Variants in ELMO1 observed in about 807,000 individuals in gnomAD.
The protein encoded by ELMO1 is engulfment and cell motility protein 1.
A neutral mutation model predicts 98.9 loss-of-function variants in ELMO1; 26 were observed. That is an observed-to-expected ratio of 0.26 (90% confidence interval 0.19 to 0.36). The LOEUF is 0.36. ELMO1 is among the 10% of genes least tolerant of loss of function. The probability of loss-of-function intolerance (pLI) is 1.00; values close to 1 mark genes in which losing one functional copy is unlikely to be tolerated. For missense variants in ELMO1, 627 were observed against 935.2 expected (o/e 0.67, Z 4.30); for synonymous variants, 346 against 346.0 (o/e 1.00, Z 0.00).
intron 13 of ELMO1, among the ~76,000 whole-genome samples, chr7:37,135,464 A>G (rs894302161): frequency 6.6e-6 from 1 of 152,200 alleles, no homozygotes; most frequent in Non-Finnish European, 1.5e-5. Flanking sequence ...AAGGACCCGC[A>G]CAGAGTCCAC....
At chr7:37,346,544 C>T (rs985752787) in intron 1 of ELMO1, among the ~76,000 whole-genome samples, 5 of 152,198 alleles carry the variant, frequency 3.3e-5, no homozygotes, top group Non-Finnish European at 5.9e-5. Context: ...TCTGTATGCT[C>T]TTTGAATACT....
At chr7:36,878,877 G>A (rs741302) in intron 18 of ELMO1, among the ~76,000 whole-genome samples, 24,289 of 152,160 alleles carry the variant, frequency 0.16, 2,078 homozygotes, top group South Asian at 0.23. Context: ...GGAAGAAAGA[G>A]GCAAAGAGCA....
chr7:37,406,626 C>T (rs911264837), intron 1 of ELMO1, among the ~76,000 whole-genome samples: 15 of 151,456 alleles, frequency 9.9e-5, no homozygotes, highest in African/African-American at 1.7e-4. Context: ...TTAGTAGAGA[C>T]GGGGGAGGGG....
chr7:37,416,855 G>GT, intron 1 of ELMO1, among the ~76,000 whole-genome samples: 2 of 152,328 alleles, frequency 1.3e-5, no homozygotes, highest in East Asian at 3.9e-4. Flanking sequence ...TTGTGTGCAG[G>GT]TGAGTCAGAA....
intron 4 of ELMO1, among the ~76,000 whole-genome samples, chr7:37,279,231 A>G (rs971955398): frequency 6.6e-6 from 1 of 151,788 alleles, no homozygotes; most frequent in African/African-American, 2.4e-5. Context: ...AAACAAACAA[A>G]AAGTGTGTGA....
At chr7:37,390,287 C>G (rs1803012290) in intron 1 of ELMO1, among the ~76,000 whole-genome samples, 1 of 152,204 alleles carries the variant, frequency 6.6e-6, no homozygotes, top group Non-Finnish European at 1.5e-5. Flanking sequence ...AGGCTTGCGC[C>G]ACTTGCATGG....
At chr7:37,135,435 A>T (rs1042119861) in intron 13 of ELMO1, among the ~76,000 whole-genome samples, 1 of 152,170 alleles carries the variant, frequency 6.6e-6, no homozygotes, top group Non-Finnish European at 1.5e-5. Flanking sequence ...CAACCAGCAC[A>T]CTAAACAAAA....
intron 2 of ELMO1, among the ~76,000 whole-genome samples, chr7:37,331,175 C>T (rs959028929): frequency 1.2e-4 from 17 of 144,602 alleles, no homozygotes; most frequent in Non-Finnish European, 2.1e-4. Flanking sequence ...CTGCATTTTT[C>T]TTTTTTTTTT....
At chr7:36,959,072 TAA>T (rs1395002948) in intron 16 of ELMO1, among the ~76,000 whole-genome samples, 1 of 152,130 alleles carries the variant, frequency 6.6e-6, no homozygotes, top group African/African-American at 2.4e-5. Context: ...CATCAAAACC[TAA>T]AGTCATACTT....
At chr7:37,091,673 A>T (rs1784101492) in intron 15 of ELMO1, among the ~76,000 whole-genome samples, 1 of 152,116 alleles carries the variant, frequency 6.6e-6, no homozygotes, top group Admixed American at 6.5e-5. Flanking sequence ...TTCTTGAAAT[A>T]GTCTGTTTTC....
At position 37,083,479 on chromosome 7, in the gene ELMO1, A is replaced by AT. The variant is rs552098077; in HGVS notation, c.1300+13139dup. ...GCAAGTCATTCTCCTTACTCACTCT[A>AT]TAAAAAAAAACATGGAAATATGTAA... On this transcript the variant is annotated intron_variant, in intron 15 of 21. Transcript: ENST00000310758. Among the ~76,000 whole-genome samples, 131 of 152,226 alleles carry AT rather than the reference A, an allele frequency of 8.6e-4. 1 individual carries two copies. Among genetic ancestry groups the AT allele is most frequent in the Middle Eastern group, 6.8e-3 (2 of 294 alleles).
intron 2 of ELMO1, among the ~76,000 whole-genome samples, chr7:37,336,440 G>A (rs1450468534): frequency 3.3e-5 from 5 of 152,186 alleles, no homozygotes; most frequent in African/African-American, 7.2e-5. Context: ...AGGCTATGCC[G>A]GTGATGGGAA....
chr7:37,217,691 A>G (rs1793367291), intron 10 of ELMO1: 1 of 456,950 alleles, frequency 2.2e-6, no homozygotes, highest in Non-Finnish European at 4.4e-6. Flanking sequence ...TACGCTAACA[A>G]AGGGAACGTG....
At chr7:37,033,263 G>C in intron 15 of ELMO1, 1 of 401,934 alleles carries the variant, frequency 2.5e-6, no homozygotes, top group Middle Eastern at 3.7e-4. Context: ...AGTCCAAATT[G>C]TTCCCCCTTC....
At chr7:37,137,886 A>C (rs960610520) in intron 13 of ELMO1, among the ~76,000 whole-genome samples, 1 of 152,214 alleles carries the variant, frequency 6.6e-6, no homozygotes, top group Non-Finnish European at 1.5e-5. Context: ...GTACTCTCTC[A>C]GACCACAGTG....
intron 16 of ELMO1, among the ~76,000 whole-genome samples, chr7:36,976,555 G>A (rs138405111): frequency 0.01 from 1,554 of 152,246 alleles, 11 homozygotes; most frequent in Admixed American, 0.014. Flanking sequence ...ATCTCTTAAC[G>A]TGACAGGGAC....
At chr7:37,414,607 T>A (rs1804136337) in intron 1 of ELMO1, among the ~76,000 whole-genome samples, 2 of 152,216 alleles carry the variant, frequency 1.3e-5, no homozygotes, top group Admixed American at 6.5e-5. Flanking sequence ...CCAATCCTGT[T>A]TGGCAGAGAC....
intron 15 of ELMO1, among the ~76,000 whole-genome samples, chr7:37,016,462 A>C (rs747128898): frequency 1.1e-4 from 17 of 152,084 alleles, no homozygotes; most frequent in Non-Finnish European, 1.5e-4. Flanking sequence ...CAGCTGACCC[A>C]GCAGCAGGCT....
chr7:37,307,711 T>C (rs1335865270), intron 4 of ELMO1, among the ~76,000 whole-genome samples: 1 of 152,242 alleles, frequency 6.6e-6, no homozygotes, highest in African/African-American at 2.4e-5. Flanking sequence ...AGATAATAGA[T>C]AGTAAGCTCT....
Sources: allele counts gnomAD v4.1 joint callset (sites outside exome capture counted in the v4.1 genomes callset), GRCh38; gene constraint gnomAD v4.1.1; transcripts MANE v1.5; gene names NCBI Gene and HGNC (gene_info 2026-07-23, HGNC 2026-07-21).